The following LRRC7 variants were observed in gnomAD, a reference collection of about 807,000 sequenced individuals.
The protein encoded by LRRC7 is leucine rich repeat containing 7.
Under a neutral mutation model 175.7 loss-of-function variants are expected in LRRC7, and 23 were observed. The ratio of observed to expected loss-of-function variants is 0.13; its 90% CI spans 0.09 to 0.19. LRRC7 has a LOEUF of 0.19. Ranked by LOEUF, LRRC7 falls within the 10% of genes least tolerant of loss-of-function variation. LRRC7 has a pLI of 1.00. For synonymous variants in LRRC7, 685 were observed against 680.9 expected (o/e 1.01, Z -0.09); for missense variants, 1,354 against 1,904.7 (o/e 0.71, Z 5.38).
chr1:69,713,892 A>T (rs1665056884), intron 2 of LRRC7, among the ~76,000 whole-genome samples: 1 of 152,018 alleles, frequency 6.6e-6, no homozygotes, highest in African/African-American at 2.4e-5. Context: ...TCAGACACCT[A>T]AGAGCTTTGC....
chr1:69,687,188 G>A (rs893914426), intron 2 of LRRC7, among the ~76,000 whole-genome samples: 2 of 152,026 alleles, frequency 1.3e-5, no homozygotes, highest in East Asian at 3.9e-4. Context: ...TAGCATAGTT[G>A]TGGTTGTGGT....
At chr1:70,112,373 A>G (rs1288329150) in intron 26 of LRRC7, among the ~76,000 whole-genome samples, 1 of 152,148 alleles carries the variant, frequency 6.6e-6, no homozygotes, top group Non-Finnish European at 1.5e-5. Context: ...TCCACTCCAC[A>G]TCCTGATTAG....
chr1:69,673,387 C>A (rs951780313), intron 1 of LRRC7, among the ~76,000 whole-genome samples: 14 of 152,190 alleles, frequency 9.2e-5, no homozygotes, highest in African/African-American at 3.4e-4. Flanking sequence ...AACACGTAGG[C>A]TGCACTTTTT....
rs575632181 is a variant in LRRC7 at position 69,595,623 on chromosome 1, G to T, written c.2+26982G>T. 7.9e-5 allele frequency among the ~76,000 whole-genome samples: 12 copies of T among 152,210 alleles called. No individual in the cohort carries two copies. In the South Asian group the frequency reaches 2.5e-3, roughly 32 times the overall value. ...TTACAACCTTACTTTCCCTGCCTTG[G>T]CTTTCCTAACTGTGCTAATGGACAC... On this transcript the variant is annotated intron_variant, in intron 1 of 26. Transcript: ENST00000651989.
rs1160385825 is a variant in LRRC7, at chr1:69,991,170, AC to A, written c.932-3390del. ...GACCTTTTATCAAAAAAAAAAAAAA[AC>A]AAACTGGTAGAAAATGAAGCATTAT... On this transcript the variant is annotated intron_variant, in intron 10 of 26. Coordinates refer to ENST00000651989, the MANE Select transcript of LRRC7 (RefSeq NM_001370785.2). 7.8e-4 allele frequency among the ~76,000 whole-genome samples: 111 copies of A among 142,022 alleles called. No homozygotes were observed. The East Asian group carries it at 0.011, about 14-fold the overall frequency. The allele number at this position is 142,022 out of a possible 152,430, so 93.2% of individuals were successfully genotyped here. A position where few individuals can be genotyped will look rare whatever the true frequency, so the allele number is the denominator to read the frequency against.
intron 3 of LRRC7, among the ~76,000 whole-genome samples, chr1:69,763,843 G>A (rs542228512): frequency 6.6e-6 from 1 of 151,954 alleles, no homozygotes; most frequent in South Asian, 2.1e-4. Flanking sequence ...CAGATTTGTT[G>A]AGTAATAAGA....
chr1:69,697,487 G>A (rs1454721652), intron 2 of LRRC7, among the ~76,000 whole-genome samples: 2 of 152,172 alleles, frequency 1.3e-5, no homozygotes, highest in East Asian at 3.8e-4. Flanking sequence ...CATAATAAGT[G>A]TTCTCTGAGT....
rs80285699 is a variant in LRRC7 at position 70,061,160 on chromosome 1, T to C, written c.4230+8015T>C. Among the ~76,000 whole-genome samples, 1,327 of 152,248 alleles carry C rather than the reference T, an allele frequency of 8.7e-3. 18 individuals are homozygous for C. The highest frequency in any genetic ancestry group is 0.03 in the African/African-American group (1,246 of 41,542). On this transcript the variant is annotated intron_variant, in intron 23 of 26. Coordinates refer to ENST00000651989, the MANE Select transcript of LRRC7 (RefSeq NM_001370785.2). ...TCCTGGTTCTCTTTCCCAAGCCTCA[T>C]TTTTCTCCTCCGAGAGTAGCAAAGT... is the stretch of plus-strand genomic sequence containing the variant.
At chr1:69,767,018 A>G (rs536341667) in intron 3 of LRRC7, among the ~76,000 whole-genome samples, 7 of 152,270 alleles carry the variant, frequency 4.6e-5, no homozygotes, top group African/African-American at 1.4e-4. Flanking sequence ...GAAACCGCCC[A>G]TATCTATTAG....
At chr1:69,689,097 G>A (rs145774064) in intron 2 of LRRC7, among the ~76,000 whole-genome samples, 103 of 152,204 alleles carry the variant, frequency 6.8e-4, no homozygotes, top group African/African-American at 2.3e-3. Flanking sequence ...TAGTTTATGA[G>A]CAGTTTACAT....
chr1:69,938,001 A>G (rs1570730838), intron 8 of LRRC7, among the ~76,000 whole-genome samples: 1 of 152,084 alleles, frequency 6.6e-6, no homozygotes, highest in South Asian at 2.1e-4. Context: ...AGATATTTCT[A>G]AATTATAGGC....
At chr1:69,683,578 T>C (rs573136419) in intron 2 of LRRC7, among the ~76,000 whole-genome samples, 2 of 152,186 alleles carry the variant, frequency 1.3e-5, no homozygotes, top group African/African-American at 4.8e-5. Context: ...AATATGTATT[T>C]TGAAATAATA....
rs1666236359 is a variant in LRRC7, at chr1:70,122,028, AC to A, written c.*143del. 1 of 556,948 alleles carries A rather than the reference AC, an allele frequency of 1.8e-6. No individual in the cohort carries two copies. The highest frequency in any genetic ancestry group is 3.2e-6 in the Non-Finnish European group (1 of 312,836). The allele number at this position is 556,948 out of a possible 1,614,324, so 34.5% of individuals were successfully genotyped here. ...TGTATAATACTATATGTTAGCACTG[AC>A]CATCCTTAAAAAATGTTAACTCTAT... On this transcript the variant is annotated 3_prime_UTR_variant, in exon 27 of 27. Transcript: ENST00000651989.
At chr1:70,064,677 TTC>T in intron 23 of LRRC7, among the ~76,000 whole-genome samples, 1 of 151,866 alleles carries the variant, frequency 6.6e-6, no homozygotes, top group East Asian at 1.9e-4. Context: ...TTGTTACATT[TTC>T]AAAAGAGAGA....
At chr1:70,109,453 G>A (rs1665375268) in intron 26 of LRRC7, among the ~76,000 whole-genome samples, 1 of 152,190 alleles carries the variant, frequency 6.6e-6, no homozygotes, top group Non-Finnish European at 1.5e-5. Flanking sequence ...CCACCCAGCA[G>A]GCCTGAGTTC....
chr1:69,699,304 G>A (rs1032284871), intron 2 of LRRC7, among the ~76,000 whole-genome samples: 14 of 152,172 alleles, frequency 9.2e-5, no homozygotes, highest in African/African-American at 2.2e-4. Context: ...CACTTTGGGA[G>A]GCTGAGGCAG....
intron 23 of LRRC7, among the ~76,000 whole-genome samples, chr1:70,058,897 A>T (rs1661361070): frequency 6.6e-6 from 1 of 152,218 alleles, no homozygotes; most frequent in South Asian, 2.1e-4. Context: ...CCTAATTCTA[A>T]AATGATACTC....
At chr1:69,728,098 G>A (rs1667176075) in intron 2 of LRRC7, among the ~76,000 whole-genome samples, 1 of 151,950 alleles carries the variant, frequency 6.6e-6, no homozygotes, top group African/African-American at 2.4e-5. Flanking sequence ...AGAATATATA[G>A]TACCATAGAT....
In LRRC7 at chr1:70,137,998, A is replaced by G. The variant is rs1010710308; in HGVS notation, c.*16111A>G. On this transcript the variant is annotated 3_prime_UTR_variant, in exon 27 of 27. Transcript: ENST00000651989. ...GATTTTTCACTCAGGATTAGCCTAGATGTAGAACAGCGACTGTATAATAAA... is the reference window on the plus strand; with the variant it reads ...GATTTTTCACTCAGGATTAGCCTAGGTGTAGAACAGCGACTGTATAATAAA... The G allele has an allele frequency of 1.3e-5, 2 of 152,180 alleles. No individual in the cohort carries two copies. The highest frequency in any genetic ancestry group is 4.8e-5 in the African/African-American group (2 of 41,458). 9.4% of individuals were successfully genotyped at this position (152,180 alleles called of 1,614,324 possible).
Sources: allele counts gnomAD v4.1 joint callset (sites outside exome capture counted in the v4.1 genomes callset), GRCh38; gene constraint gnomAD v4.1.1; transcripts MANE v1.5; gene names NCBI Gene and HGNC (gene_info 2026-07-23, HGNC 2026-07-21).